The following POGLUT1 variants were observed in gnomAD, a reference collection of about 807,000 sequenced individuals.
POGLUT1 encodes protein O-glucosyltransferase 1, also known as 9630046K23Rik.
Under a neutral mutation model 61.3 loss-of-function variants are expected in POGLUT1, and 32 were observed. The ratio of observed to expected loss-of-function variants is 0.52; its 90% CI spans 0.39 to 0.70. The LOEUF is 0.70. POGLUT1 is among the 30% of genes least tolerant of loss of function. POGLUT1 has a pLI of 0.00. For synonymous variants in POGLUT1, 158 were observed against 158.2 expected (o/e 1.00, Z 0.01); for missense variants, 411 against 469.8 (o/e 0.87, Z 1.16).
At position 119,491,561 on chromosome 3, in the gene POGLUT1, G is replaced by C. The variant is rs2081745878; in HGVS notation, c.1009G>C (p.Glu337Gln). Residue 337 changes from glutamate (E) to glutamine (Q), a missense_variant, in exon 10 of 11, where the codon GAG becomes CAG. By Grantham distance (29) the Glu-to-Gln change is conservative (BLOSUM62 2). Coordinates refer to ENST00000295588, the MANE Select transcript of POGLUT1 (RefSeq NM_152305.3). ...AAAAGCAAATGATGATGTAGCTCAA[G>C]AGATTGCTGAAAGGTGAGTTCTGTT... is the stretch of plus-strand genomic sequence containing the variant. ...FVKANDDVAQEIAERGSQFIR... is the reference protein window; with the variant it reads ...FVKANDDVAQQIAERGSQFIR... 7 of 1,559,696 alleles carry C rather than the reference G, an allele frequency of 4.5e-6. No homozygotes were observed. Among genetic ancestry groups the C allele is most frequent in the Non-Finnish European group, 6.1e-6 (7 of 1,141,818 alleles).
chr3:119,474,411 C>G (rs1462256596), intron 3 of POGLUT1, among the ~76,000 whole-genome samples: 4 of 152,168 alleles, frequency 2.6e-5, no homozygotes, highest in African/African-American at 9.7e-5. Context: ...TTTGCATTCC[C>G]TCTCTCCTGC....
chr3:119,480,012 C>A (rs1216634016), intron 4 of POGLUT1, 39 bp from the exon 5 acceptor site: 1 of 1,610,726 alleles, frequency 6.2e-7, no homozygotes, highest in East Asian at 2.2e-5. Context: ...TTCACTGTTC[C>A]AAGACTGATT....
At chr3:119,482,471 A>G (rs2081616345) in intron 5 of POGLUT1, among the ~76,000 whole-genome samples, 1 of 152,184 alleles carries the variant, frequency 6.6e-6, no homozygotes. Context: ...TCAAGGTGTT[A>G]TCCAGTTACT....
chr3:119,488,694 G>A (rs1021863219), intron 7 of POGLUT1: 5 of 314,530 alleles, frequency 1.6e-5, no homozygotes, highest in Admixed American at 8.7e-5. Context: ...AAAATCAGAC[G>A]GGCCCTGGTT....
chr3:119,492,520 C>T lies in POGLUT1; in HGVS notation c.*82C>T. ...TGAGAAGCTTACCATAAGCTTGGCA[C>T]CTATACCTTGAATATCTGCTATCAA... On this transcript the variant is annotated 3_prime_UTR_variant, in exon 11 of 11. Transcript: ENST00000295588. 4.4e-6 allele frequency: 4 copies of T among 905,876 alleles called. No individual in the cohort carries two copies. The highest frequency in any genetic ancestry group is 6.5e-6 in the Non-Finnish European group (4 of 619,730). 56.1% of individuals were successfully genotyped at this position (905,876 alleles called of 1,614,324 possible).
chr3:119,480,140 A>T lies in POGLUT1; in HGVS notation c.546A>T (p.Gly182=), dbSNP rs747870659. 1 of 1,608,984 alleles carries T rather than the reference A, an allele frequency of 6.2e-7. No individual in the cohort carries two copies. Among genetic ancestry groups the T allele is most frequent in the Non-Finnish European group, 8.5e-7 (1 of 1,177,808 alleles). The stretch of plus-strand genomic sequence containing the variant: ...GGCCAATTTATCCTACAGGTCTTGG[A>T]CGGTGGGACCTCTTCAGAGAAGATC... ...AVWPIYPTGL[G]RWDLFREDLV... Residue 182 remains glycine, a synonymous_variant, in exon 5 of 11, where the codon GGA becomes GGT. Coordinates refer to ENST00000295588, the MANE Select transcript of POGLUT1 (RefSeq NM_152305.3).
intron 5 of POGLUT1, among the ~76,000 whole-genome samples, chr3:119,484,732 T>A (rs2081645914): frequency 6.6e-6 from 1 of 152,200 alleles, no homozygotes; most frequent in African/African-American, 2.4e-5. Context: ...ATTTGCCAAA[T>A]TATAAACAGA....
intron 7 of POGLUT1, chr3:119,488,556 C>T (rs577288226): frequency 6.3e-6 from 1 of 159,466 alleles, no homozygotes; most frequent in South Asian, 2.0e-4. Context: ...CTATATACAC[C>T]CCTAAGGCCA....
chr3:119,469,255 G>A (rs1560028313), intron 1 of POGLUT1, 149 bp downstream of exon 1: 1 of 657,296 alleles, frequency 1.5e-6, no homozygotes, highest in Non-Finnish European at 2.7e-6. Context: ...CCTTGCGGCG[G>A]AGAGTGAGGT....
intron 5 of POGLUT1, among the ~76,000 whole-genome samples, chr3:119,483,839 C>T (rs903527128): frequency 2.0e-5 from 3 of 152,300 alleles, no homozygotes; most frequent in Admixed American, 2.0e-4. Context: ...GGCCAAATGT[C>T]CCCTGGGTGG....
chr3:119,484,601 A>G (rs1214373949), intron 5 of POGLUT1, among the ~76,000 whole-genome samples: 2 of 152,248 alleles, frequency 1.3e-5, no homozygotes, highest in Non-Finnish European at 2.9e-5. Flanking sequence ...TATGGAAAAC[A>G]TAAAATCAGA....
chr3:119,471,144 A>C (rs1468999432), intron 2 of POGLUT1, among the ~76,000 whole-genome samples, 165 bp from the exon 3 acceptor site: 1 of 152,246 alleles, frequency 6.6e-6, no homozygotes, highest in African/African-American at 2.4e-5. Context: ...TTGATGTTTC[A>C]GATTACCTAC....
In POGLUT1 at chr3:119,471,406, A is replaced by G; in HGVS notation, c.274A>G (p.Thr92Ala). The change falls in exon 3 of 11, where the codon ACT (threonine) becomes GCT (alanine). Residue 92 changes from threonine to alanine, a missense_variant. Thr to Ala is a moderately conservative substitution (Grantham distance 58). Coordinates refer to ENST00000295588, the MANE Select transcript of POGLUT1 (RefSeq NM_152305.3). ...GAAGCTAGGGACCCACTATCAGATC[A>G]CTAAGAACAGACTGTACCGGGAAAA... ...RRKLGTHYQITKNRLYRENDC... is the reference protein window; with the variant it reads ...RRKLGTHYQIAKNRLYRENDC... 17 of 1,613,912 alleles carry G rather than the reference A, an allele frequency of 1.1e-5. No homozygotes were observed. The highest frequency in any genetic ancestry group is 1.4e-5 in the Non-Finnish European group (16 of 1,179,762).
chr3:119,477,279 ACTC>A (rs2081548586), intron 3 of POGLUT1, 31 bp from the exon 4 acceptor site: 1 of 1,611,304 alleles, frequency 6.2e-7, no homozygotes, highest in Admixed American at 1.7e-5. Context: ...TGCAGGCACT[ACTC>A]TGCTGAATTT....
chr3:119,486,696 C>T (rs2081667960), intron 6 of POGLUT1, 137 bp from the exon 7 acceptor site: 1 of 714,678 alleles, frequency 1.4e-6, no homozygotes, highest in East Asian at 2.5e-5. Flanking sequence ...TACCCCTCCT[C>T]CGCTGTCACG....
chr3:119,482,771 A>G (rs2081620770), intron 5 of POGLUT1, among the ~76,000 whole-genome samples: 1 of 152,106 alleles, frequency 6.6e-6, no homozygotes, highest in Non-Finnish European at 1.5e-5. Context: ...TTTTTCTGAT[A>G]TTTTGGGAGT....
rs1034963799 is a variant in POGLUT1, at chr3:119,469,202, C to G, written c.85+96C>G. On this transcript the variant is annotated intron_variant, in intron 1 of 10. Coordinates refer to ENST00000295588, the MANE Select transcript of POGLUT1 (RefSeq NM_152305.3). The stretch of plus-strand genomic sequence containing the variant: ...GCGCGGCCGGCTCCCGGGAAGATGC[C>G]GTGGCCGCTGTAGCTCGGAGCTGGG... 43 of 971,866 alleles carry G rather than the reference C, an allele frequency of 4.4e-5. 1 individual carries two copies. Among genetic ancestry groups the G allele is most frequent in the Non-Finnish European group, 6.3e-5 (40 of 632,882 alleles). The allele number at this position is 971,866 out of a possible 1,614,324, so 60.2% of individuals were successfully genotyped here.
chr3:119,491,315 A>G (rs1304860318), intron 9 of POGLUT1, among the ~76,000 whole-genome samples: 2 of 149,944 alleles, frequency 1.3e-5, no homozygotes, highest in Non-Finnish European at 3.0e-5. Context: ...CAAATCTACA[A>G]TAGGGTATCT....
rs1000333367 is a variant in POGLUT1, at chr3:119,471,339, A to C, written c.207A>C (p.Arg69=). The C allele has an allele frequency of 6.2e-7, 1 of 1,613,938 alleles. No homozygotes were observed. Among genetic ancestry groups the C allele is most frequent in the Non-Finnish European group, 8.5e-7 (1 of 1,179,920 alleles). The change falls in exon 3 of 11, where the codon CGA becomes CGC. Residue 69 remains arginine (R), a synonymous_variant. Transcript: ENST00000295588. ...GVIEEDLTPF[R]GGISRKMMAE... is the part of the protein sequence containing the mutation. ...TAGAAGAGGATCTAACTCCTTTCCG[A>C]GGAGGCATCTCCAGGAAGATGATGG...
Sources: allele counts gnomAD v4.1 joint callset (sites outside exome capture counted in the v4.1 genomes callset), GRCh38; gene constraint gnomAD v4.1.1; transcripts MANE v1.5; gene names NCBI Gene and HGNC (gene_info 2026-07-23, HGNC 2026-07-21).